The following PEAK1 variants were observed in gnomAD, a reference collection of about 807,000 sequenced individuals.
The protein encoded by PEAK1 is pseudopodium enriched atypical kinase 1.
In PEAK1, 54 loss-of-function variants were observed where a neutral mutation model predicts 124.7. That is an observed-to-expected ratio of 0.43 (90% confidence interval 0.35 to 0.54). The LOEUF (loss-of-function observed/expected upper bound fraction) is 0.54. PEAK1 is among the 20% of genes least tolerant of loss of function. The pLI is 0.01. For synonymous variants in PEAK1, 719 were observed against 760.0 expected (o/e 0.95, Z 0.89); for missense variants, 2,046 against 2,134.5 (o/e 0.96, Z 0.82).
At chr15:77,401,111 G>A (rs1385939708) in intron 1 of PEAK1, among the ~76,000 whole-genome samples, 2 of 152,020 alleles carry the variant, frequency 1.3e-5, no homozygotes, top group African/African-American at 4.8e-5. Flanking sequence ...TACATCAGAA[G>A]AAAAAACTCT....
intron 1 of PEAK1, chr15:77,419,449 C>G: frequency 1.0e-6 from 1 of 985,402 alleles, no homozygotes; most frequent in Non-Finnish European, 1.2e-6. Context: ...CGCCAGCCCA[C>G]ACGTTCGCGG....
chr15:77,181,019 C>T lies in PEAK1; in HGVS notation c.908G>A (p.Arg303Lys), dbSNP rs771512988. The part of the protein sequence containing the change: ...TIPLRNKSLQ[R>K]ICAVDYDDSY... ...GTCATCATAGTCCACAGCACAGATTCTCTGCAGAGACTTGTTTCGCAGGGG... is the reference window on the plus strand; with the variant it reads ...GTCATCATAGTCCACAGCACAGATTTTCTGCAGAGACTTGTTTCGCAGGGG... The change falls in exon 7 of 10, where the codon AGA becomes AAA. Residue 303 changes from arginine (R) to lysine (K), a missense_variant. Arg to Lys is a conservative substitution (Grantham distance 26). Transcript: ENST00000682557. 6.2e-6 allele frequency: 10 copies of T among 1,614,182 alleles called. No homozygotes were observed. The highest frequency in any genetic ancestry group is 1.1e-5 in the South Asian group (1 of 91,082).
intron 1 of PEAK1, among the ~76,000 whole-genome samples, chr15:77,384,490 T>G (rs1382384551): frequency 6.6e-6 from 1 of 152,224 alleles, no homozygotes; most frequent in Admixed American, 6.5e-5. Flanking sequence ...AATCTGCACA[T>G]GTAGCTGGAC....
At position 77,327,864 on chromosome 15, in the gene PEAK1, GAATT is replaced by G. The variant is rs374403188; in HGVS notation, c.-603+37295_-603+37298del. ...AGATACTCACATTTTGAAGATTTAA[GAATT>G]AATTGATAAGCCACATTATGGAAGA... is the stretch of plus-strand genomic sequence containing the variant. On this transcript the variant is annotated intron_variant, in intron 2 of 9. Coordinates refer to ENST00000682557, the MANE Select transcript of PEAK1 (RefSeq NM_001385026.1). Among the ~76,000 whole-genome samples the G allele has an allele frequency of 4.9e-3, 742 of 151,772 alleles. 1 individual carries two copies. The highest frequency in any genetic ancestry group is 0.017 in the African/African-American group (708 of 41,378).
At chr15:77,201,067 T>C (rs908723677) in intron 6 of PEAK1, among the ~76,000 whole-genome samples, 4 of 152,008 alleles carry the variant, frequency 2.6e-5, no homozygotes, top group Non-Finnish European at 5.9e-5. Flanking sequence ...CAGATTTACA[T>C]GTCATACACT....
chr15:77,375,145 A>G (rs2068912436), intron 1 of PEAK1, among the ~76,000 whole-genome samples: 1 of 152,258 alleles, frequency 6.6e-6, no homozygotes. Flanking sequence ...TAATAGTTAC[A>G]GTATCTATCA....
At chr15:77,287,804 C>T (rs1236052207) in intron 2 of PEAK1, among the ~76,000 whole-genome samples, 3 of 152,198 alleles carry the variant, frequency 2.0e-5, no homozygotes, top group Non-Finnish European at 4.4e-5. Flanking sequence ...AAAATCTGTT[C>T]CTTTTTAAAG....
chr15:77,250,074 G>A (rs1179621296), intron 6 of PEAK1, among the ~76,000 whole-genome samples: 1 of 149,870 alleles, frequency 6.7e-6, no homozygotes, highest in South Asian at 2.1e-4. Context: ...GCACAAAAAA[G>A]CTCCAATAAT....
chr15:77,332,001 C>A (rs893907224), intron 2 of PEAK1: 1 of 175,646 alleles, frequency 5.7e-6, no homozygotes, highest in East Asian at 2.0e-4. Flanking sequence ...CTTTGGGATG[C>A]TGAGCCGGGC....
chr15:77,160,049 T>C (rs969124165), intron 7 of PEAK1, among the ~76,000 whole-genome samples: 6 of 151,414 alleles, frequency 4.0e-5, no homozygotes, highest in African/African-American at 1.5e-4. Context: ...GTCAAGAGAG[T>C]AGTATATATA....
intron 6 of PEAK1, among the ~76,000 whole-genome samples, chr15:77,185,060 T>C (rs186180489): frequency 1.6e-4 from 25 of 152,226 alleles, no homozygotes; most frequent in African/African-American, 5.1e-4. Context: ...CTGATGAGGA[T>C]CTGGATTAGG....
Position 77,180,423 on chromosome 15 carries a change from A to G in PEAK1, c.1504T>C (p.Ser502Pro), listed in dbSNP as rs1261462938. 3 of 1,614,106 alleles carry G rather than the reference A, an allele frequency of 1.9e-6. No individual in the cohort carries two copies. The highest frequency in any genetic ancestry group is 2.5e-6 in the Non-Finnish European group (3 of 1,180,008). Residue 502 changes from serine (S) to proline (P), a missense_variant, in exon 7 of 10, where the codon TCC (serine) becomes CCC (proline). Physicochemically the swap from Ser to Pro is moderately conservative, Grantham distance 74 (BLOSUM62 -1). Transcript: ENST00000682557. ...GTAACTGGAGAGTTTGGAGTAGAGG[A>G]TGAGCTTTTTGTCTTGGGGCTGTTA... ...PVNSPKTKSS[S>P]STPNSPVTSS...
chr15:77,365,581 T>C (rs2068167166), intron 1 of PEAK1, among the ~76,000 whole-genome samples: 1 of 151,732 alleles, frequency 6.6e-6, no homozygotes, highest in Non-Finnish European at 1.5e-5. Flanking sequence ...CTACTAAAAA[T>C]ACAAAAAAAT....
At chr15:77,388,896 G>C (rs1251600287) in intron 1 of PEAK1, among the ~76,000 whole-genome samples, 1 of 146,806 alleles carries the variant, frequency 6.8e-6, no homozygotes. Context: ...TATCTTTTAT[G>C]TTCCACATTT....
At chr15:77,301,166 T>C (rs956775585) in intron 2 of PEAK1, among the ~76,000 whole-genome samples, 3 of 152,200 alleles carry the variant, frequency 2.0e-5, no homozygotes, top group African/African-American at 7.2e-5. Flanking sequence ...AGGGCTGCAC[T>C]CTCTTAGAAG....
chr15:77,264,763 T>C (rs2061626866), intron 5 of PEAK1, among the ~76,000 whole-genome samples: 1 of 152,012 alleles, frequency 6.6e-6, no homozygotes, highest in Non-Finnish European at 1.5e-5. Flanking sequence ...ACTTTAAAGT[T>C]CATATGAAAC....
intron 1 of PEAK1, among the ~76,000 whole-genome samples, chr15:77,393,158 G>A (rs2070618691): frequency 6.6e-6 from 1 of 152,192 alleles, no homozygotes; most frequent in Admixed American, 6.5e-5. Flanking sequence ...GGGCTGAAGT[G>A]CTCTGGGGTT....
chr15:77,134,340 T>C (rs1164855563), intron 8 of PEAK1, among the ~76,000 whole-genome samples: 1 of 152,254 alleles, frequency 6.6e-6, no homozygotes, highest in Non-Finnish European at 1.5e-5. Context: ...TTTATTTTAC[T>C]ATAGAGATGG....
chr15:77,367,263 AGGAACTCTCT>A (rs1450077676), intron 1 of PEAK1, among the ~76,000 whole-genome samples: 1 of 152,234 alleles, frequency 6.6e-6, no homozygotes, highest in Non-Finnish European at 1.5e-5. Context: ...GGGCATACAT[AGGAACTCTCT>A]GTACTGTCTA....
Sources: allele counts gnomAD v4.1 joint callset (sites outside exome capture counted in the v4.1 genomes callset), GRCh38; gene constraint gnomAD v4.1.1; transcripts MANE v1.5; gene names NCBI Gene and HGNC (gene_info 2026-07-23, HGNC 2026-07-21).